NRG3: variants seen among roughly 807,000 people sequenced by gnomAD.
NRG3 encodes pro-neuregulin-3, membrane-bound isoform.
Under a neutral mutation model 66.9 loss-of-function variants are expected in NRG3, and 31 were observed. The ratio of observed to expected loss-of-function variants is 0.46; its 90% CI spans 0.35 to 0.63. NRG3 has a LOEUF of 0.63. Among genes scored for constraint, NRG3 ranks in the 20% least tolerant of loss-of-function variants. NRG3 has a pLI of 0.00. For synonymous variants in NRG3, 393 were observed against 359.4 expected (o/e 1.09, Z -1.06); for missense variants, 910 against 878.9 (o/e 1.04, Z -0.45).
rs114288658 is a variant in NRG3 at position 82,033,218 on chromosome 10, A to G, written c.823+157055A>G. ...ATTATTTTTTGCATTGCTAATGGCT[A>G]TTGACAACTTACAGATTTGTAAAAT... On this transcript the variant is annotated intron_variant, in intron 1 of 8. Transcript: ENST00000372141. 9.7e-3 allele frequency among the ~76,000 whole-genome samples: 1,481 copies of G among 152,292 alleles called. 32 individuals carry two copies. The highest frequency in any genetic ancestry group is 0.033 in the African/African-American group (1,385 of 41,580).
At position 82,026,601 on chromosome 10, in the gene NRG3, C is replaced by T. The variant is rs555179687; in HGVS notation, c.823+150438C>T. On this transcript the variant is annotated intron_variant, in intron 1 of 8. Coordinates refer to ENST00000372141, the MANE Select transcript of NRG3 (RefSeq NM_001010848.4). Reference sequence around the variant, plus strand: ...TTTTATGCTCCAATTTATATATTACCTATAATTTCTGATTTCATTATTTGG... The same window carrying T: ...TTTTATGCTCCAATTTATATATTACTTATAATTTCTGATTTCATTATTTGG... 4.3e-4 allele frequency among the ~76,000 whole-genome samples: 66 copies of T among 151,854 alleles called. 1 individual carries two copies. The South Asian group carries it at 9.8e-3, about 22-fold the overall frequency.
At chr10:82,856,735 C>A (rs1319649948) in intron 3 of NRG3, among the ~76,000 whole-genome samples, 1 of 109,078 alleles carries the variant, frequency 9.2e-6, no homozygotes, top group Non-Finnish European at 1.7e-5. Context: ...CAGAGCAAGA[C>A]TCTGTCTCAA....
chr10:82,098,148 A>C (rs530989131), intron 1 of NRG3, among the ~76,000 whole-genome samples: 2 of 151,358 alleles, frequency 1.3e-5, no homozygotes, highest in Non-Finnish European at 2.9e-5. Flanking sequence ...TCATATATAG[A>C]TGTCATGTAT....
In NRG3 at chr10:82,606,411, G is replaced by A. The variant is rs921360514; in HGVS notation, c.954-132166G>A. ...ACATGATTTCTGTTCTTTTAAATGT[G>A]TTAAGGTGTGTTTTATGATCCAGAA... On this transcript the variant is annotated intron_variant, in intron 2 of 8. Coordinates refer to ENST00000372141, the MANE Select transcript of NRG3 (RefSeq NM_001010848.4). 2.6e-5 allele frequency among the ~76,000 whole-genome samples: 4 copies of A among 152,108 alleles called. No individual in the cohort carries two copies. The East Asian group carries it at 7.7e-4, about 29-fold the overall frequency.
intron 2 of NRG3, among the ~76,000 whole-genome samples, chr10:82,559,998 C>A (rs1254051890): frequency 6.6e-6 from 1 of 151,780 alleles, no homozygotes; most frequent in Non-Finnish European, 1.5e-5. Flanking sequence ...GTAACACTTC[C>A]ATTTTCCTTG....
chr10:82,948,551 A>C (rs1849236299), intron 4 of NRG3, among the ~76,000 whole-genome samples: 1 of 152,094 alleles, frequency 6.6e-6, no homozygotes, highest in South Asian at 2.1e-4. Flanking sequence ...TAATAATATC[A>C]AGCCTTCTAA....
intron 1 of NRG3, among the ~76,000 whole-genome samples, chr10:82,036,020 A>G (rs2062776979): frequency 6.6e-6 from 1 of 152,102 alleles, no homozygotes; most frequent in South Asian, 2.1e-4. Context: ...TGTAAATAGC[A>G]ACTACAGCAT....
chr10:82,057,175 A>G (rs969270861), intron 1 of NRG3, among the ~76,000 whole-genome samples: 15 of 151,812 alleles, frequency 9.9e-5, no homozygotes, highest in African/African-American at 3.6e-4. Context: ...TTTTCTTCAG[A>G]TATTTTTTCA....
intron 2 of NRG3, among the ~76,000 whole-genome samples, chr10:82,733,957 T>A (rs148392514): frequency 2.8e-3 from 420 of 152,340 alleles, no homozygotes; most frequent in African/African-American, 8.5e-3. Context: ...TAATCACTTT[T>A]AGCTGGCCAA....
intron 1 of NRG3, among the ~76,000 whole-genome samples, chr10:82,094,929 A>T (rs1418704068): frequency 6.6e-6 from 1 of 152,214 alleles, no homozygotes; most frequent in African/African-American, 2.4e-5. Context: ...CTTAATGGTT[A>T]CAATGCACAT....
chr10:82,308,771 A>G lies in NRG3; in HGVS notation c.824-49968A>G, dbSNP rs571994920. Among the ~76,000 whole-genome samples, 21 of 151,842 alleles carry G rather than the reference A, an allele frequency of 1.4e-4. No individual in the cohort carries two copies. In the South Asian group the frequency reaches 4.0e-3, roughly 29 times the overall value. On this transcript the variant is annotated intron_variant, in intron 1 of 8. Coordinates refer to ENST00000372141, the MANE Select transcript of NRG3 (RefSeq NM_001010848.4). ...TGCAGGGCTTCTCACATGTGCTAGGATTTTCTTTTCTCAGCTCTCTGGGAC... is the reference window on the plus strand; with the variant it reads ...TGCAGGGCTTCTCACATGTGCTAGGGTTTTCTTTTCTCAGCTCTCTGGGAC...
chr10:82,747,352 G>C (rs1350688505), intron 3 of NRG3, among the ~76,000 whole-genome samples: 1 of 151,942 alleles, frequency 6.6e-6, no homozygotes, highest in Non-Finnish European at 1.5e-5. Context: ...ACCATTATGC[G>C]TAAGTCTCTG....
intron 1 of NRG3, among the ~76,000 whole-genome samples, chr10:82,171,142 G>A (rs552951188): frequency 6.6e-6 from 1 of 151,974 alleles, no homozygotes; most frequent in African/African-American, 2.4e-5. Flanking sequence ...TTCAATCAAT[G>A]TATTTGGTAT....
Position 82,558,468 on chromosome 10 carries a change from T to A in NRG3, c.954-180109T>A, listed in dbSNP as rs925484453. ...GCCTAGTTCTGTCACTGCACATAAC[T>A]CAGGCCCCACCTCCTATTGCATACC... On this transcript the variant is annotated intron_variant, in intron 2 of 8. Transcript: ENST00000372141. Among the ~76,000 whole-genome samples the A allele has an allele frequency of 2.6e-5, 4 of 152,118 alleles. No individual in the cohort carries two copies. The South Asian group carries it at 8.3e-4, about 31-fold the overall frequency.
chr10:82,078,604 C>T (rs573925111), intron 1 of NRG3, among the ~76,000 whole-genome samples: 1 of 152,148 alleles, frequency 6.6e-6, no homozygotes, highest in Non-Finnish European at 1.5e-5. Context: ...ACCGCCTTGG[C>T]CTCCCAAAGT....
intron 4 of NRG3, among the ~76,000 whole-genome samples, chr10:82,937,725 T>G (rs1214718852): frequency 6.6e-6 from 1 of 152,214 alleles, no homozygotes; most frequent in Non-Finnish European, 1.5e-5. Context: ...GAACACAGTT[T>G]GAACAGTTGA....
chr10:81,909,606 AC>A (rs1026257794), intron 1 of NRG3, among the ~76,000 whole-genome samples: 38 of 152,324 alleles, frequency 2.5e-4, no homozygotes, highest in African/African-American at 8.9e-4. Flanking sequence ...CACATGCATC[AC>A]TACAGAGTAA....
chr10:82,408,809 T>C (rs886081192), intron 2 of NRG3, among the ~76,000 whole-genome samples: 2 of 151,984 alleles, frequency 1.3e-5, no homozygotes, highest in African/African-American at 4.8e-5. Context: ...AGAGTGGTTC[T>C]GTATTTCCAA....
chr10:82,211,305 C>T (rs2075380082), intron 1 of NRG3, among the ~76,000 whole-genome samples: 1 of 152,114 alleles, frequency 6.6e-6, no homozygotes, highest in African/African-American at 2.4e-5. Context: ...GATTTAACAA[C>T]ATTGAGAATT....
Sources: gnomAD v4.1 joint callset for allele counts (sites outside exome capture counted in the v4.1 genomes callset) on GRCh38, gnomAD v4.1.1 for gene constraint, MANE v1.5 for transcripts, NCBI Gene and HGNC (gene_info 2026-07-23, HGNC 2026-07-21) for gene names.